The following PLEKHM3 variants were observed in gnomAD, a reference collection of about 807,000 sequenced individuals.
PLEKHM3 encodes pleckstrin homology domain-containing family M member 3.
In PLEKHM3, 45 loss-of-function variants were observed where a neutral mutation model predicts 81.8. That is an observed-to-expected ratio of 0.55 (90% confidence interval 0.43 to 0.71). PLEKHM3 has a LOEUF of 0.71. PLEKHM3 is among the 30% of genes least tolerant of loss of function. The pLI is 0.00. For missense variants in PLEKHM3, 788 were observed against 924.3 expected (o/e 0.85, Z 1.91); for synonymous variants, 352 against 356.4 (o/e 0.99, Z 0.14).
chr2:207,894,049 C>T (rs755225157), intron 6 of PLEKHM3, among the ~76,000 whole-genome samples: 1 of 152,010 alleles, frequency 6.6e-6, no homozygotes, highest in Non-Finnish European at 1.5e-5. Flanking sequence ...CCTGGGAAGT[C>T]GAGGCTGCAG....
intron 7 of PLEKHM3, among the ~76,000 whole-genome samples, chr2:207,831,095 G>A (rs973252116): frequency 6.6e-5 from 10 of 152,308 alleles, no homozygotes; most frequent in Non-Finnish European, 5.9e-5. Flanking sequence ...GTTCCTGGCC[G>A]TGGTGGGAAG....
intron 6 of PLEKHM3, among the ~76,000 whole-genome samples, chr2:207,863,289 C>T (rs971870904): frequency 6.6e-6 from 1 of 152,162 alleles, no homozygotes; most frequent in Non-Finnish European, 1.5e-5. Flanking sequence ...CCTGCCTTGC[C>T]CCTCCCCATC....
intron 7 of PLEKHM3, among the ~76,000 whole-genome samples, chr2:207,842,353 T>G (rs1412391380): frequency 3.3e-5 from 5 of 152,264 alleles, no homozygotes; most frequent in Non-Finnish European, 1.5e-5. Context: ...GTTCTGAACA[T>G]CTCAGATGCT....
chr2:207,851,918 A>G (rs1574335954), intron 7 of PLEKHM3, among the ~76,000 whole-genome samples: 2 of 151,954 alleles, frequency 1.3e-5, no homozygotes, highest in African/African-American at 4.8e-5. Flanking sequence ...GCTGAACCTG[A>G]CCCGCCAAGG....
At chr2:207,977,960 G>GC (rs1417907772) in intron 2 of PLEKHM3, among the ~76,000 whole-genome samples, 3 of 152,132 alleles carry the variant, frequency 2.0e-5, no homozygotes, top group Non-Finnish European at 2.9e-5. Context: ...GGTGGCACAT[G>GC]CCTGTAGCCC....
intron 7 of PLEKHM3, among the ~76,000 whole-genome samples, chr2:207,860,258 C>CAAATTCCCGCATGTTT (rs1293119503): frequency 6.7e-6 from 1 of 149,322 alleles, no homozygotes; most frequent in Non-Finnish European, 1.5e-5. Context: ...TGGGCCAACC[C>CAAATTCCCGCATGTTT]AAATTCCCGC....
chr2:208,022,287 T>C (rs1336470206), intron 1 of PLEKHM3, among the ~76,000 whole-genome samples: 1 of 152,254 alleles, frequency 6.6e-6, no homozygotes, highest in Non-Finnish European at 1.5e-5. Flanking sequence ...TAGTTTTCTA[T>C]GGTTGCATAA....
intron 4 of PLEKHM3, among the ~76,000 whole-genome samples, chr2:207,937,073 G>A (rs1689781068): frequency 6.6e-6 from 1 of 151,964 alleles, no homozygotes; most frequent in Non-Finnish European, 1.5e-5. Context: ...AGAAGAATGG[G>A]GTGAGTAAAA....
intron 7 of PLEKHM3, among the ~76,000 whole-genome samples, chr2:207,841,321 C>T (rs1460289431): frequency 6.6e-6 from 1 of 150,536 alleles, no homozygotes; most frequent in Non-Finnish European, 1.5e-5. Context: ...AAAAATCAGC[C>T]GGGCTTGGTG....
chr2:207,860,836 C>T (rs991052830), intron 7 of PLEKHM3, among the ~76,000 whole-genome samples: 4 of 152,112 alleles, frequency 2.6e-5, no homozygotes, highest in Non-Finnish European at 5.9e-5. Flanking sequence ...TAAAATTGAA[C>T]CTGAACACTC....
At chr2:207,951,296 CA>C (rs1690320036) in intron 3 of PLEKHM3, among the ~76,000 whole-genome samples, 1 of 152,008 alleles carries the variant, frequency 6.6e-6, no homozygotes, top group Non-Finnish European at 1.5e-5. Flanking sequence ...AAAGTAGAGA[CA>C]AAAAATAATT....
intron 1 of PLEKHM3, among the ~76,000 whole-genome samples, chr2:208,023,602 C>A (rs1036446975): frequency 1.3e-5 from 2 of 152,048 alleles, no homozygotes; most frequent in Admixed American, 6.6e-5. Flanking sequence ...GTGAACTGTG[C>A]GTGCGAGGGA....
chr2:207,885,599 GA>G (rs1687862080), intron 6 of PLEKHM3, among the ~76,000 whole-genome samples: 1 of 152,104 alleles, frequency 6.6e-6, no homozygotes, highest in African/African-American at 2.4e-5. Context: ...TAACATTAAA[GA>G]AAAATAAAAA....
chr2:207,839,063 T>G (rs887815820), intron 7 of PLEKHM3, among the ~76,000 whole-genome samples: 1 of 152,194 alleles, frequency 6.6e-6, no homozygotes, highest in Admixed American at 6.5e-5. Flanking sequence ...ACCTTCTTAA[T>G]GTAAAATTGA....
chr2:207,964,507 G>A (rs1399480654), intron 3 of PLEKHM3, among the ~76,000 whole-genome samples: 1 of 152,110 alleles, frequency 6.6e-6, no homozygotes, highest in Non-Finnish European at 1.5e-5. Context: ...AGGGAGGGAG[G>A]CTGCAAAGGA....
At chr2:207,940,459 G>A (rs1021212057) in intron 4 of PLEKHM3, among the ~76,000 whole-genome samples, 2 of 152,154 alleles carry the variant, frequency 1.3e-5, no homozygotes, top group African/African-American at 2.4e-5. Flanking sequence ...TACATATGAG[G>A]AAACTGACAC....
intron 4 of PLEKHM3, 144 bp downstream of exon 4, chr2:207,946,223 A>T: frequency 1.2e-6 from 1 of 815,628 alleles, no homozygotes; most frequent in Admixed American, 2.9e-5. Flanking sequence ...ATATATAAGA[A>T]GCATTAGGTA....
intron 1 of PLEKHM3, among the ~76,000 whole-genome samples, chr2:208,012,918 G>A (rs1217851298): frequency 2.6e-5 from 4 of 152,146 alleles, no homozygotes; most frequent in Admixed American, 6.5e-5. Flanking sequence ...TATAGAGGAC[G>A]GACCAAGTAC....
intron 5 of PLEKHM3, among the ~76,000 whole-genome samples, chr2:207,923,855 G>GCGCACA (rs1257171999): frequency 0.01 from 195 of 18,874 alleles, 2 homozygotes; most frequent in Non-Finnish European, 0.017. Flanking sequence ...ACACACGCAC[G>GCGCACA]CACACACACA....
Sources: allele counts gnomAD v4.1 joint callset (sites outside exome capture counted in the v4.1 genomes callset), GRCh38; gene constraint gnomAD v4.1.1; transcripts MANE v1.5; gene names NCBI Gene and HGNC (gene_info 2026-07-23, HGNC 2026-07-21).